SCTR: variants seen among roughly 807,000 people sequenced by gnomAD.
SCTR encodes pancreatic secretin receptor.
Under a neutral mutation model 60.8 loss-of-function variants are expected in SCTR, and 56 were observed. The ratio of observed to expected loss-of-function variants is 0.92; its 90% CI spans 0.74 to 1.15. The LOEUF (loss-of-function observed/expected upper bound fraction) is 1.15. Ranked by LOEUF, SCTR falls within the 50% of genes most tolerant of loss-of-function variation. The probability of loss-of-function intolerance (pLI) is 0.00; values close to 1 mark genes in which losing one functional copy is unlikely to be tolerated. For synonymous variants in SCTR, 202 were observed against 217.0 expected (o/e 0.93, Z 0.61); for missense variants, 562 against 550.4 (o/e 1.02, Z -0.21).
chr2:119,519,129 T>C (rs970335885), intron 1 of SCTR, among the ~76,000 whole-genome samples: 3 of 152,086 alleles, frequency 2.0e-5, no homozygotes, highest in Non-Finnish European at 4.4e-5. Flanking sequence ...GCCCAGCTAA[T>C]TTTTTTGTAC....
chr2:119,511,870 C>A (rs2104942095), intron 1 of SCTR, among the ~76,000 whole-genome samples: 1 of 152,260 alleles, frequency 6.6e-6, no homozygotes, highest in South Asian at 2.1e-4. Context: ...AACTAATTAA[C>A]AATTTGGGTA....
intron 1 of SCTR, among the ~76,000 whole-genome samples, chr2:119,509,995 T>A (rs1056025955): frequency 4.6e-5 from 7 of 152,142 alleles, no homozygotes; most frequent in African/African-American, 1.4e-4. Context: ...CCTTTTTTTT[T>A]TTATTTTACT....
chr2:119,442,394 A>G (rs548318858), intron 11 of SCTR, among the ~76,000 whole-genome samples: 4 of 152,276 alleles, frequency 2.6e-5, no homozygotes, highest in African/African-American at 7.2e-5. Flanking sequence ...GACCCACCTC[A>G]GGCCACCCTT....
At chr2:119,444,440 TATATATACGTACGTATATATATACAC>T (rs1558831332) in intron 11 of SCTR, among the ~76,000 whole-genome samples, 17 of 28,284 alleles carry the variant, frequency 6.0e-4, no homozygotes, top group South Asian at 5.1e-3. Flanking sequence ...AATATACACA[TATATATACGTACGTATATATATACAC>T]ATATATACGT....
At chr2:119,504,241 T>C (rs1678655237) in intron 1 of SCTR, among the ~76,000 whole-genome samples, 1 of 152,178 alleles carries the variant, frequency 6.6e-6, no homozygotes, top group Non-Finnish European at 1.5e-5. Context: ...AGTCTCACAC[T>C]TTACACAAAA....
rs568099662 is a variant in SCTR at position 119,508,196 on chromosome 2, C to T, written c.73-13648G>A. Among the ~76,000 whole-genome samples, 12 of 152,142 alleles carry T rather than the reference C, an allele frequency of 7.9e-5. No individual in the cohort carries two copies. The East Asian group carries it at 1.5e-3, about 20-fold the overall frequency. ...GAAAGGGACGTGCCTCCCTCTTCTA[C>T]GTGTGGATATTGCGGTGAACCATAT... On this transcript the variant is annotated intron_variant, in intron 1 of 12. Transcript: ENST00000019103.
chr2:119,490,951 G>A (rs1678097608), intron 2 of SCTR, among the ~76,000 whole-genome samples: 1 of 152,104 alleles, frequency 6.6e-6, no homozygotes, highest in South Asian at 2.1e-4. Context: ...CAGCTCCTGT[G>A]CGACTTGGAG....
chr2:119,521,386 A>C (rs982641184), intron 1 of SCTR, among the ~76,000 whole-genome samples: 4 of 152,218 alleles, frequency 2.6e-5, no homozygotes, highest in African/African-American at 9.6e-5. Flanking sequence ...TTACACTGTG[A>C]CAGACTCTAG....
At chr2:119,516,314 C>T (rs921941893) in intron 1 of SCTR, among the ~76,000 whole-genome samples, 1 of 152,178 alleles carries the variant, frequency 6.6e-6, no homozygotes, top group Non-Finnish European at 1.5e-5. Context: ...GTGGGAGCAA[C>T]TTACGTGTCT....
At chr2:119,483,734 G>C (rs780442645) in intron 2 of SCTR, among the ~76,000 whole-genome samples, 72 of 152,214 alleles carry the variant, frequency 4.7e-4, no homozygotes, top group Non-Finnish European at 9.1e-4. Context: ...TTAGGATGAG[G>C]CTAAGTTTTT....
At chr2:119,470,466 G>GTTGTT (rs1045034558) in intron 4 of SCTR, among the ~76,000 whole-genome samples, 6 of 152,082 alleles carry the variant, frequency 3.9e-5, no homozygotes, top group Admixed American at 6.6e-5. Flanking sequence ...TCTCAGAGCT[G>GTTGTT]TTGTTTTGTT....
chr2:119,452,545 A>G (rs1683214053), intron 8 of SCTR, among the ~76,000 whole-genome samples: 3 of 152,196 alleles, frequency 2.0e-5, no homozygotes, highest in Admixed American at 2.0e-4. Flanking sequence ...GCCACAAGGA[A>G]AAATGGAACG....
intron 1 of SCTR, among the ~76,000 whole-genome samples, chr2:119,507,669 T>TC (rs1280565390): frequency 1.4e-5 from 2 of 139,102 alleles, no homozygotes; most frequent in Non-Finnish European, 3.2e-5. Context: ...CGTTCTTTTT[T>TC]TTTTTTTTTT....
chr2:119,519,666 C>T (rs1162947385), intron 1 of SCTR, among the ~76,000 whole-genome samples: 1 of 151,668 alleles, frequency 6.6e-6, no homozygotes, highest in East Asian at 1.9e-4. Flanking sequence ...ATTAGCCAGA[C>T]ATTGTGGTGC....
intron 1 of SCTR, among the ~76,000 whole-genome samples, chr2:119,506,311 A>G (rs1049018963): frequency 6.6e-6 from 1 of 152,200 alleles, no homozygotes; most frequent in South Asian, 2.1e-4. Flanking sequence ...ATACTATGGA[A>G]CCCTATTCGG....
intron 10 of SCTR, among the ~76,000 whole-genome samples, chr2:119,447,806 A>G (rs931274900): frequency 6.6e-6 from 1 of 152,114 alleles, no homozygotes; most frequent in Non-Finnish European, 1.5e-5. Context: ...TCCTGACCTC[A>G]AGTGATCTGC....
chr2:119,482,031 C>T (rs893003220), intron 2 of SCTR, among the ~76,000 whole-genome samples: 1 of 152,238 alleles, frequency 6.6e-6, no homozygotes, highest in African/African-American at 2.4e-5. Flanking sequence ...AGCAATCAAG[C>T]AGAGCCAGAA....
At chr2:119,464,005 T>G in intron 6 of SCTR, 118 bp downstream of exon 6, 4 of 1,070,520 alleles carry the variant, frequency 3.7e-6, no homozygotes, top group Non-Finnish European at 5.6e-6. Context: ...ATCCTTGGTA[T>G]TAAGTGCAGC....
intron 12 of SCTR, among the ~76,000 whole-genome samples, chr2:119,441,010 C>T (rs2104745247): frequency 6.6e-6 from 1 of 152,338 alleles, no homozygotes; most frequent in East Asian, 1.9e-4. Context: ...GCCTGGGGTC[C>T]TGACCCAGAT....
Sources: allele counts gnomAD v4.1 joint callset (sites outside exome capture counted in the v4.1 genomes callset), GRCh38; gene constraint gnomAD v4.1.1; transcripts MANE v1.5; gene names NCBI Gene and HGNC (gene_info 2026-07-23, HGNC 2026-07-21).